CUL2: variants seen among roughly 807,000 people sequenced by gnomAD.
CUL2 encodes cullin-2.
CUL2 carries 22 observed loss-of-function variants against 110.2 expected under a neutral mutation model. The observed-to-expected ratio is 0.20, with a 90% CI of 0.14 to 0.28. The LOEUF (loss-of-function observed/expected upper bound fraction) is 0.28. Among genes scored for constraint, CUL2 ranks in the 10% least tolerant of loss-of-function variants. The pLI is 1.00. For missense variants in CUL2, 631 were observed against 905.5 expected (o/e 0.70, Z 3.89); for synonymous variants, 279 against 293.2 (o/e 0.95, Z 0.49).
chr10:35,089,691 A>G (rs2087154847), intron 1 of CUL2, among the ~76,000 whole-genome samples: 1 of 152,070 alleles, frequency 6.6e-6, no homozygotes, highest in Non-Finnish European at 1.5e-5. Flanking sequence ...ATTTCACCAG[A>G]CCCTAAGGGT....
intron 8 of CUL2, 58 bp downstream of exon 8, chr10:35,044,508 A>C (rs1318797352): frequency 8.9e-7 from 1 of 1,127,104 alleles, no homozygotes; most frequent in Non-Finnish European, 1.3e-6. Context: ...AACGATGTTA[A>C]ATAAAACCAG....
At chr10:35,080,480 T>TA (rs61540590) in intron 1 of CUL2, among the ~76,000 whole-genome samples, 4 of 148,242 alleles carry the variant, frequency 2.7e-5, no homozygotes, top group African/African-American at 1.0e-4. Flanking sequence ...TTTATTTATT[T>TA]TTGAGACAGG....
At chr10:35,020,140 A>G (rs1386160406) in intron 17 of CUL2, among the ~76,000 whole-genome samples, 1 of 152,056 alleles carries the variant, frequency 6.6e-6, no homozygotes, top group East Asian at 1.9e-4. Flanking sequence ...CACTTTCCAG[A>G]ACATACAAGG....
chr10:35,070,899 T>TA (rs1273220439), intron 2 of CUL2, among the ~76,000 whole-genome samples: 1 of 152,202 alleles, frequency 6.6e-6, no homozygotes, highest in Non-Finnish European at 1.5e-5. Flanking sequence ...TTTTTTTTTT[T>TA]ACCTGTTTAG....
chr10:35,057,652 GAAAAAAAAAAA>G (rs1231881473), intron 4 of CUL2, among the ~76,000 whole-genome samples: 1 of 84,622 alleles, frequency 1.2e-5, no homozygotes, highest in African/African-American at 4.5e-5. Context: ...GACTCCGTCT[GAAAAAAAAAAA>G]AAAGAAAAAA....
At chr10:35,115,514 C>T (rs1367051257) in intron 1 of CUL2, among the ~76,000 whole-genome samples, 2 of 151,858 alleles carry the variant, frequency 1.3e-5, no homozygotes, top group East Asian at 1.9e-4. Flanking sequence ...GAGCTGAGAT[C>T]GCGCCACTAC....
chr10:35,044,926 AC>A, intron 6 of CUL2, 58 bp from the exon 7 acceptor site: 2 of 1,344,932 alleles, frequency 1.5e-6, no homozygotes, highest in South Asian at 1.2e-5. Context: ...ATGGAAATAT[AC>A]CCAAAATATG....
chr10:35,064,784 C>T (rs1377455963), intron 2 of CUL2, among the ~76,000 whole-genome samples: 1 of 152,118 alleles, frequency 6.6e-6, no homozygotes, highest in Non-Finnish European at 1.5e-5. Flanking sequence ...CTCAGGCAAT[C>T]CTTCTGCCTC....
intron 2 of CUL2, among the ~76,000 whole-genome samples, chr10:35,097,255 C>T (rs1253630352): frequency 6.6e-5 from 10 of 152,190 alleles, no homozygotes; most frequent in Admixed American, 2.0e-4. Flanking sequence ...GAACTTCCTG[C>T]GAACCTCTTT....
Position 35,031,485 on chromosome 10 carries a change from A to G in CUL2, c.1299+6T>C. On this transcript the variant is annotated splice_donor_region_variant and intron_variant, in intron 13 of 20. Transcript: ENST00000374749. The surrounding 1 kb of genome is among the most constrained non-coding windows in gnomAD (Gnocchi z 4.4). ...TACAAATGAAACTTTTCTGTTCACA[A>G]CATACCTTTTGAAAGACGTCCTTGT... 1 of 1,613,712 alleles carries G rather than the reference A, an allele frequency of 6.2e-7. No homozygotes were observed. Among genetic ancestry groups the G allele is most frequent in the Admixed American group, 1.7e-5 (1 of 59,996 alleles).
intron 1 of CUL2, among the ~76,000 whole-genome samples, chr10:35,073,766 G>T (rs188143618): frequency 9.9e-5 from 15 of 151,802 alleles, no homozygotes; most frequent in Admixed American, 4.6e-4. Flanking sequence ...CACCACACCC[G>T]GCTAATTTTT....
At chr10:35,089,213 A>C (rs954506242) in intron 1 of CUL2, among the ~76,000 whole-genome samples, 14 of 152,136 alleles carry the variant, frequency 9.2e-5, no homozygotes, top group Middle Eastern at 6.8e-3. Flanking sequence ...ATCTCACGCG[A>C]CTCTTTTGGA....
rs767618104 is a variant in CUL2, at chr10:35,025,147, G to A, written c.1669C>T (p.His557Tyr). ...HFSGRKLTWL[H>Y]YLCTGEVKMN... ...TGCATTTTACCTGTACACAGATAAT[G>A]TAACCATGTAAGTTTCCTTCCACTG... The change falls in exon 17 of 21, where the codon CAT becomes TAT. Residue 557 changes from histidine to tyrosine, a missense_variant. This residue lies in a region of CUL2 where 134 missense variants were observed against 260.4 expected (regional missense o/e 0.51). Transcript: ENST00000374749. 2 of 1,564,820 alleles carry A rather than the reference G, an allele frequency of 1.3e-6. No homozygotes were observed. The highest frequency in any genetic ancestry group is 1.2e-5 in the South Asian group (1 of 82,168).
intron 2 of CUL2, among the ~76,000 whole-genome samples, chr10:35,100,013 C>G (rs2087355905): frequency 6.6e-6 from 1 of 151,634 alleles, no homozygotes; most frequent in African/African-American, 2.4e-5. Context: ...GCTATGTTGC[C>G]CAGGCTGGTC....
At chr10:35,098,047 T>C (rs936376630) in intron 2 of CUL2, 5 of 152,114 alleles carry the variant, frequency 3.3e-5, no homozygotes, top group African/African-American at 4.8e-5. Context: ...AGAACTCATA[T>C]CATATTCTGT....
At chr10:35,102,622 T>C (rs1475135088) in intron 1 of CUL2, among the ~76,000 whole-genome samples, 4 of 150,662 alleles carry the variant, frequency 2.7e-5, no homozygotes, top group Non-Finnish European at 4.4e-5. Flanking sequence ...CCGTGGCTCA[T>C]ACCTGTAATC....
chr10:35,058,296 G>A (rs373715310), intron 4 of CUL2, among the ~76,000 whole-genome samples: 1 of 152,096 alleles, frequency 6.6e-6, no homozygotes, highest in South Asian at 2.1e-4. Flanking sequence ...CTTCCTGGAC[G>A]AATAACTCTT....
chr10:35,097,465 G>A (rs2087315059), intron 2 of CUL2, among the ~76,000 whole-genome samples: 1 of 148,610 alleles, frequency 6.7e-6, no homozygotes, highest in East Asian at 2.0e-4. Flanking sequence ...CCTCCAGCTT[G>A]GGCAACAGAG....
intron 2 of CUL2, among the ~76,000 whole-genome samples, chr10:35,067,466 T>A (rs1455184136): frequency 1.3e-5 from 2 of 152,046 alleles, no homozygotes; most frequent in African/African-American, 2.4e-5. Flanking sequence ...GAATTCACCA[T>A]TGGCCGGTCA....
Sources: gnomAD v4.1 joint callset for allele counts (sites outside exome capture counted in the v4.1 genomes callset) on GRCh38, gnomAD v4.1.1 for gene constraint, gnomAD v4.1.1 regional missense constraint, Gnocchi (gnomAD v3.1) non-coding constraint, MANE v1.5 for transcripts, NCBI Gene and HGNC (gene_info 2026-07-23, HGNC 2026-07-21) for gene names.